The following CFAP144 variants were observed in gnomAD, a reference collection of about 807,000 sequenced individuals.
The protein encoded by CFAP144 is cilia- and flagella-associated protein 144.
At chr1:43,152,112 C>T in the CFAP144 span, among the ~76,000 whole-genome samples, 47 of 152,234 alleles carry the variant, frequency 3.1e-4, no homozygotes, top group Middle Eastern at 3.4e-3. Context: ...AGAAGTGATG[C>T]CACCCAACAA....
At chr1:43,154,693 A>G in the CFAP144 span, among the ~76,000 whole-genome samples, 1 of 152,212 alleles carries the variant, frequency 6.6e-6, no homozygotes, top group Non-Finnish European at 1.5e-5. Context: ...TTTAAAATTT[A>G]AAAACCAGAA....
chr1:43,153,072 C>A, the CFAP144 span: 1 of 1,033,720 alleles, frequency 9.7e-7, no homozygotes, highest in Non-Finnish European at 1.4e-6. Flanking sequence ...ACTAAGCTCT[C>A]TTATGACTCA....
the CFAP144 span, among the ~76,000 whole-genome samples, chr1:43,152,506 G>T: frequency 6.6e-6 from 1 of 152,116 alleles, no homozygotes; most frequent in African/African-American, 2.4e-5. Context: ...ATCCCTGTCT[G>T]CCACCATCAC....
the CFAP144 span, chr1:43,145,433 T>A: frequency 1.4e-6 from 1 of 693,938 alleles, no homozygotes; most frequent in Non-Finnish European, 2.5e-6. Context: ...AGACTCCATT[T>A]TCTTCATCCT....
chr1:43,156,152 A>T, the CFAP144 span: 1 of 1,513,788 alleles, frequency 6.6e-7, no homozygotes, highest in Non-Finnish European at 9.2e-7. Flanking sequence ...CTCCAAACCC[A>T]GGTCCTCCTG....
the CFAP144 span, chr1:43,156,099 A>T: frequency 1.0e-5 from 9 of 875,860 alleles, no homozygotes; most frequent in African/African-American, 1.7e-5. Flanking sequence ...CAATGCAGCC[A>T]CAGGCTGGGA....
chr1:43,154,828 A>G, the CFAP144 span, among the ~76,000 whole-genome samples: 1 of 152,184 alleles, frequency 6.6e-6, no homozygotes, highest in Non-Finnish European at 1.5e-5. Context: ...GCGACTGTGT[A>G]GCCAAGGAAC....
chr1:43,149,998 C>G, the CFAP144 span, among the ~76,000 whole-genome samples: 3 of 152,126 alleles, frequency 2.0e-5, no homozygotes, highest in African/African-American at 7.2e-5. Flanking sequence ...CAGGCTCACG[C>G]TCATATGCTT....
At chr1:43,144,831 C>T in the CFAP144 span, among the ~76,000 whole-genome samples, 4 of 152,132 alleles carry the variant, frequency 2.6e-5, no homozygotes, top group East Asian at 7.7e-4. Context: ...CACTCCCAAT[C>T]GAGCCACCCC....
chr1:43,152,434 A>G, the CFAP144 span, among the ~76,000 whole-genome samples: 1 of 151,958 alleles, frequency 6.6e-6, no homozygotes, highest in African/African-American at 2.4e-5. Context: ...TCGCCACCCC[A>G]TCTACAGCAG....
At chr1:43,149,175 C>G in the CFAP144 span, among the ~76,000 whole-genome samples, 1 of 152,332 alleles carries the variant, frequency 6.6e-6, no homozygotes, top group East Asian at 1.9e-4. Flanking sequence ...ACCTAAAATC[C>G]TTCTCATAGC....
the CFAP144 span, chr1:43,145,169 G>C: frequency 8.9e-7 from 1 of 1,118,782 alleles, no homozygotes; most frequent in African/African-American, 1.6e-5. Flanking sequence ...GCCTGCATGA[G>C]GTTCTCTACG....
the CFAP144 span, chr1:43,147,922 A>T: frequency 6.2e-7 from 1 of 1,611,818 alleles, no homozygotes; most frequent in Non-Finnish European, 8.5e-7. Context: ...TGGAAGGCCC[A>T]GGCAAGAGGG....
At chr1:43,145,948 A>G in the CFAP144 span, among the ~76,000 whole-genome samples, 1 of 152,196 alleles carries the variant, frequency 6.6e-6, no homozygotes, top group Non-Finnish European at 1.5e-5. Context: ...CACTTTTTTT[A>G]TGGACACAGT....
At chr1:43,150,983 C>G in the CFAP144 span, among the ~76,000 whole-genome samples, 3 of 152,092 alleles carry the variant, frequency 2.0e-5, no homozygotes, top group Non-Finnish European at 4.4e-5. Context: ...GACGGATACT[C>G]AGACAGTCTG....
chr1:43,148,648 A>G, the CFAP144 span, among the ~76,000 whole-genome samples: 1 of 152,138 alleles, frequency 6.6e-6, no homozygotes, highest in Non-Finnish European at 1.5e-5. Flanking sequence ...CAGGCACCTC[A>G]GACCCAGCAG....
At chr1:43,149,834 G>A in the CFAP144 span, among the ~76,000 whole-genome samples, 3 of 152,032 alleles carry the variant, frequency 2.0e-5, no homozygotes. Context: ...ATATTTTAAG[G>A]GCGCATGCTC....
the CFAP144 span, among the ~76,000 whole-genome samples, chr1:43,145,550 C>T: frequency 6.6e-6 from 1 of 152,170 alleles, no homozygotes; most frequent in Non-Finnish European, 1.5e-5. Context: ...GGGTGAGCCT[C>T]TTGCTCAGGC....
the CFAP144 span, chr1:43,152,973 C>CA: frequency 6.3e-7 from 1 of 1,580,120 alleles, no homozygotes; most frequent in Non-Finnish European, 8.6e-7. Context: ...GGAAACACAG[C>CA]AGCAATGTAA....
Sources: gnomAD v4.1 joint callset for allele counts (sites outside exome capture counted in the v4.1 genomes callset) on GRCh38, gnomAD v4.1.1 for gene constraint, MANE v1.5 for transcripts, NCBI Gene and HGNC (gene_info 2026-07-23, HGNC 2026-07-21) for gene names.